Variants in NIPSNAP2 observed in about 807,000 individuals in gnomAD.
NIPSNAP2 encodes the protein protein NipSnap homolog 2.
A neutral mutation model predicts 48.4 loss-of-function variants in NIPSNAP2; 42 were observed. The ratio of observed to expected loss-of-function variants is 0.87; its 90% CI spans 0.68 to 1.12. NIPSNAP2 has a LOEUF of 1.12. NIPSNAP2 is among the 50% of genes most tolerant of loss of function. The pLI is 0.00. For synonymous variants in NIPSNAP2, 158 were observed against 126.6 expected, an observed-to-expected ratio of 1.25 and a Z score of -1.67; for missense variants, 314 against 347.3, an observed-to-expected ratio of 0.90 and a Z score of 0.76.
At chr7:55,970,483 G>C (rs1217509893) in intron 1 of NIPSNAP2, among the ~76,000 whole-genome samples, 1 of 151,406 alleles carries the variant, frequency 6.6e-6, no homozygotes, top group Non-Finnish European at 1.5e-5. Flanking sequence ...CATTTTTTTG[G>C]TATTTTTTAG....
chr7:55,978,610 CT>C, intron 3 of NIPSNAP2: 1 of 541,040 alleles, frequency 1.8e-6, no homozygotes, highest in Non-Finnish European at 3.3e-6. Flanking sequence ...GGCTATCAGA[CT>C]TTAGAATGTT....
In NIPSNAP2 at chr7:55,983,883, A is replaced by G. The variant is rs771334794; in HGVS notation, c.585+15A>G. On this transcript the variant is annotated intron_variant, in intron 6 of 9. Transcript: ENST00000322090. Reference sequence around the variant, plus strand: ...ACCAACTCCGAGTAAGTACAGAAATATAAGTTATTCCTTTTACTCCTCTGT... The same window carrying G: ...ACCAACTCCGAGTAAGTACAGAAATGTAAGTTATTCCTTTTACTCCTCTGT... The G allele has an allele frequency of 6.8e-6, 11 of 1,609,248 alleles. No homozygotes were observed. The East Asian group carries it at 1.6e-4, about 23-fold the overall frequency.
intron 9 of NIPSNAP2, among the ~76,000 whole-genome samples, chr7:55,998,502 T>TTG (rs1787615613): frequency 7.8e-6 from 1 of 128,536 alleles, no homozygotes; most frequent in Admixed American, 8.0e-5. Context: ...TGTTTTTTTT[T>TTG]TTTTTTTTTT....
chr7:55,999,443 A>C lies in NIPSNAP2; in HGVS notation c.*371A>C. 6.1e-6 allele frequency: 1 copy of C among 165,032 alleles called. No individual in the cohort carries two copies. The highest frequency in any genetic ancestry group is 1.3e-5 in the Non-Finnish European group (1 of 76,444). The allele number at this position is 165,032 out of a possible 1,614,324, so 10.2% of individuals were successfully genotyped here. On this transcript the variant is annotated 3_prime_UTR_variant, in exon 10 of 10. Transcript: ENST00000322090. ...TTTACTAAAAAAAACCAAAAAACAA[A>C]TCTGTTTTATAATCACAGATTTTTA...
chr7:55,994,159 G>T (rs1001789144), intron 7 of NIPSNAP2, among the ~76,000 whole-genome samples: 3 of 152,112 alleles, frequency 2.0e-5, no homozygotes, highest in Non-Finnish European at 4.4e-5. Context: ...GTCTCCCTTG[G>T]GTACAGTGCC....
At chr7:55,997,685 CT>C (rs1787590704) in intron 9 of NIPSNAP2, among the ~76,000 whole-genome samples, 1 of 152,062 alleles carries the variant, frequency 6.6e-6, no homozygotes, top group Admixed American at 6.6e-5. Flanking sequence ...TTTTCAGACC[CT>C]TGGATGTTGT....
chr7:55,983,968 T>G, intron 6 of NIPSNAP2, 100 bp downstream of exon 6: 4 of 751,588 alleles, frequency 5.3e-6, no homozygotes, highest in Non-Finnish European at 6.3e-6. Flanking sequence ...TTCTGTGATG[T>G]ATGTCTAGCA....
At chr7:55,980,318 C>T (rs1787187908) in intron 3 of NIPSNAP2, 1 of 155,504 alleles carries the variant, frequency 6.4e-6, no homozygotes, top group East Asian at 1.9e-4. Context: ...AGACTTAGAC[C>T]GTTTTGGAAC....
Position 55,982,270 on chromosome 7 carries a change from G to A in NIPSNAP2, c.434G>A (p.Arg145Lys). 6.3e-7 allele frequency: 1 copy of A among 1,591,018 alleles called. No individual in the cohort carries two copies. The highest frequency in any genetic ancestry group is 8.6e-7 in the Non-Finnish European group (1 of 1,159,588). The part of the protein sequence containing the change: ...PALTEVMNKL[R>K]ENKEFLEFRK... ...CTCACAGAAGTCATGAATAAACTCA[G>A]AGAAAATAAGGTAATGATATTGAAA... The change falls in exon 5 of 10, where the codon AGA becomes AAA. Residue 145 changes from arginine (R) to lysine (K), a missense_variant. Arg to Lys is a conservative substitution (Grantham distance 26, BLOSUM62 2). Coordinates refer to ENST00000322090, the MANE Select transcript of NIPSNAP2 (RefSeq NM_001483.3).
intron 1 of NIPSNAP2, among the ~76,000 whole-genome samples, chr7:55,972,449 T>G (rs1297855729): frequency 1.3e-5 from 2 of 151,222 alleles, no homozygotes; most frequent in Admixed American, 1.3e-4. Context: ...TTTTTTTTTT[T>G]GAGACAGAGT....
rs756506269 is a variant in NIPSNAP2 at position 55,984,834 on chromosome 7, AATC to A, written c.586-12_586-10del. 6.8e-6 allele frequency: 11 copies of A among 1,607,008 alleles called. No homozygotes were observed. In the African/African-American group the frequency reaches 1.3e-4, roughly 20 times the overall value. ...CAGAAGAACTAACAAACCAAATCTA[AATC>A]TGTTTTCAGCCAGGAACCATGATTG... On this transcript the variant is annotated splice_polypyrimidine_tract_variant and intron_variant, in intron 6 of 9. Transcript: ENST00000322090.
At chr7:55,972,800 C>G (rs1787040706) in intron 1 of NIPSNAP2, among the ~76,000 whole-genome samples, 2 of 152,010 alleles carry the variant, frequency 1.3e-5, no homozygotes, top group Non-Finnish European at 2.9e-5. Context: ...ACAAAATGTG[C>G]TTTCATTTTT....
intron 1 of NIPSNAP2, among the ~76,000 whole-genome samples, chr7:55,975,729 A>T (rs1359645331): frequency 6.6e-6 from 1 of 152,180 alleles, no homozygotes; most frequent in Non-Finnish European, 1.5e-5. Context: ...TTGTCATTTG[A>T]TCATGGTTAC....
intron 3 of NIPSNAP2, 118 bp from the exon 4 acceptor site, chr7:55,981,355 T>C: frequency 1.4e-6 from 1 of 701,586 alleles, no homozygotes; most frequent in East Asian, 2.5e-5. Flanking sequence ...CATGATGTTC[T>C]AAGGTCAGTT....
chr7:55,971,062 T>C (rs912193436), intron 1 of NIPSNAP2, among the ~76,000 whole-genome samples: 2 of 152,188 alleles, frequency 1.3e-5, no homozygotes, highest in Admixed American at 1.3e-4. Context: ...TCAAGTCTAG[T>C]GTTTTGTATA....
intron 4 of NIPSNAP2, 42 bp from the exon 5 acceptor site, chr7:55,982,168 A>G (rs1180632921): frequency 7.8e-7 from 1 of 1,275,134 alleles, no homozygotes; most frequent in Non-Finnish European, 1.1e-6. Flanking sequence ...TAGTAGTATC[A>G]TGAAATTCTA....
chr7:55,969,845 T>C (rs1194595872), intron 1 of NIPSNAP2, among the ~76,000 whole-genome samples: 1 of 151,708 alleles, frequency 6.6e-6, no homozygotes, highest in East Asian at 1.9e-4. Context: ...TAGCCGGGCG[T>C]GGTGGTGGGC....
intron 6 of NIPSNAP2, 30 bp from the exon 7 acceptor site, chr7:55,984,817 C>G (rs1189152713): frequency 1.9e-6 from 3 of 1,572,148 alleles, no homozygotes; most frequent in Non-Finnish European, 2.6e-6. Flanking sequence ...CACAGAAGAA[C>G]TAACAAACCA....
chr7:55,984,766 G>T (rs1483277505), intron 6 of NIPSNAP2, 81 bp from the exon 7 acceptor site: 31 of 1,013,088 alleles, frequency 3.1e-5, no homozygotes, highest in Non-Finnish European at 3.7e-5. Context: ...GTCACTTAAT[G>T]TTTTTTCTAC....
Sources: allele counts gnomAD v4.1 joint callset (sites outside exome capture counted in the v4.1 genomes callset), GRCh38; gene constraint gnomAD v4.1.1; transcripts MANE v1.5; gene names NCBI Gene and HGNC (gene_info 2026-07-23, HGNC 2026-07-21).